ABRAXAS2: variants seen among roughly 807,000 people sequenced by gnomAD.
ABRAXAS2 encodes the protein BRISC complex subunit Abraxas 2.
A neutral mutation model predicts 49.0 loss-of-function variants in ABRAXAS2; 23 were observed. The observed-to-expected ratio is 0.47, with a 90% CI of 0.34 to 0.66. The LOEUF is 0.66. Among genes scored for constraint, ABRAXAS2 ranks in the 30% least tolerant of loss-of-function variants. The pLI, the probability that ABRAXAS2 is intolerant of heterozygous loss-of-function variation, is 0.01. For missense variants in ABRAXAS2, 443 were observed against 511.9 expected (o/e 0.87, Z 1.30); for synonymous variants, 168 against 180.2 (o/e 0.93, Z 0.54).
intron 5 of ABRAXAS2, among the ~76,000 whole-genome samples, chr10:124,828,111 G>C (rs1234401286): frequency 6.6e-6 from 1 of 152,190 alleles, no homozygotes; most frequent in Admixed American, 6.5e-5. Context: ...AGACCTTCCT[G>C]TTGGTTTACC....
At position 124,834,516 on chromosome 10, in the gene ABRAXAS2, G is replaced by A. The variant is rs1950955129; in HGVS notation, c.793G>A (p.Val265Met). ...TTTTCATCCAGGATTGCAGCAGGCA[G>A]TGTTAAGCAGACAGATGCCGTCTGA... ...KEQERRLQQA[V>M]LSRQMPSESL... The change falls in exon 9 of 9, where the codon GTG (valine) becomes ATG (methionine). Residue 265 changes from valine to methionine, a missense_variant. By Grantham distance (21) the Val-to-Met change is conservative (BLOSUM62 1). Transcript: ENST00000298492. The A allele has an allele frequency of 6.2e-7, 1 of 1,613,728 alleles. No homozygotes were observed. The highest frequency in any genetic ancestry group is 8.5e-7 in the Non-Finnish European group (1 of 1,179,740).
chr10:124,835,625 GTAAT>G lies in ABRAXAS2; in HGVS notation c.*655_*658del, dbSNP rs1380204961. ...AAGTAGAGATACTAATTACCAGTAA[GTAAT>G]CATCCAAATAAATACGTCATAAAAT... On this transcript the variant is annotated 3_prime_UTR_variant, in exon 9 of 9. Coordinates refer to ENST00000298492, the MANE Select transcript of ABRAXAS2 (RefSeq NM_032182.4). 6.6e-6 allele frequency: 1 copy of G among 152,034 alleles called. No individual in the cohort carries two copies. The highest frequency in any genetic ancestry group is 1.9e-4 in the East Asian group (1 of 5,184). 9.4% of individuals were successfully genotyped at this position (152,034 alleles called of 1,614,324 possible).
chr10:124,806,945 T>A, intron 2 of ABRAXAS2, 24 bp downstream of exon 2: 1 of 1,431,756 alleles, frequency 7.0e-7, no homozygotes, highest in Non-Finnish European at 9.8e-7. Context: ...TCAATGACCT[T>A]AGAAATATCT....
At chr10:124,807,127 A>G (rs1950750136) in intron 2 of ABRAXAS2, among the ~76,000 whole-genome samples, 1 of 151,762 alleles carries the variant, frequency 6.6e-6, no homozygotes, top group Non-Finnish European at 1.5e-5. Context: ...CCTGGCTAAC[A>G]CAGTGAAACC....
At chr10:124,819,297 T>A in intron 3 of ABRAXAS2, 87 bp from the exon 4 acceptor site, 6 of 1,023,872 alleles carry the variant, frequency 5.9e-6, no homozygotes, top group Non-Finnish European at 9.3e-6. Flanking sequence ...TAGGTCTTCA[T>A]TAGGGTTACC....
intron 4 of ABRAXAS2, among the ~76,000 whole-genome samples, chr10:124,822,717 G>A (rs946097989): frequency 6.6e-6 from 1 of 151,722 alleles, no homozygotes; most frequent in African/African-American, 2.4e-5. Context: ...GTTTGAACCC[G>A]GGAGGTGGAG....
intron 7 of ABRAXAS2, among the ~76,000 whole-genome samples, chr10:124,830,472 G>T (rs967634112): frequency 3.9e-5 from 6 of 152,014 alleles, no homozygotes; most frequent in African/African-American, 1.4e-4. Flanking sequence ...AAAGGATGAA[G>T]GCCTCAGTGA....
intron 2 of ABRAXAS2, among the ~76,000 whole-genome samples, chr10:124,810,416 A>G (rs1297545027): frequency 6.6e-6 from 1 of 152,010 alleles, no homozygotes; most frequent in Non-Finnish European, 1.5e-5. Flanking sequence ...AGTCCTAGCT[A>G]CTCAGAAAGC....
At chr10:124,803,443 G>T (rs1019374131) in intron 1 of ABRAXAS2, among the ~76,000 whole-genome samples, 10 of 152,302 alleles carry the variant, frequency 6.6e-5, no homozygotes, top group Non-Finnish European at 1.2e-4. Flanking sequence ...GTCCAGTCAA[G>T]AAATTAATTT....
In ABRAXAS2 at chr10:124,834,694, G is replaced by A. The variant is rs546644115; in HGVS notation, c.971G>A (p.Arg324His). The change falls in exon 9 of 9, where the codon CGC becomes CAC. Residue 324 changes from arginine to histidine, a missense_variant. Arg to His is a conservative substitution (Grantham distance 29). Coordinates refer to ENST00000298492, the MANE Select transcript of ABRAXAS2 (RefSeq NM_032182.4). The part of the protein sequence containing the change: ...NNQESTLSHS[R>H]MERSVFMPRP... The stretch of plus-strand genomic sequence containing the variant: ...CAAGAAAGTACTTTGAGCCACTCTC[G>A]CATGGAAAGGAGTGTCTTTATGCCT... 173 of 1,614,078 alleles carry A rather than the reference G, an allele frequency of 1.1e-4. 2 individuals are homozygous for A. The South Asian group carries it at 1.4e-3, about 13-fold the overall frequency.
At chr10:124,802,772 TA>T (rs1950714799) in intron 1 of ABRAXAS2, among the ~76,000 whole-genome samples, 1 of 152,242 alleles carries the variant, frequency 6.6e-6, no homozygotes, top group South Asian at 2.1e-4. Flanking sequence ...TCAAACTCAT[TA>T]AACCTATGTG....
chr10:124,807,871 C>T (rs932698935), intron 2 of ABRAXAS2, among the ~76,000 whole-genome samples: 4 of 152,264 alleles, frequency 2.6e-5, no homozygotes, highest in African/African-American at 9.6e-5. Context: ...CATACTATAA[C>T]GAATTCATAT....
intron 2 of ABRAXAS2, among the ~76,000 whole-genome samples, chr10:124,815,490 G>A (rs1050388495): frequency 6.6e-6 from 1 of 151,998 alleles, no homozygotes; most frequent in Non-Finnish European, 1.5e-5. Flanking sequence ...CACTGCGCCC[G>A]GCCTGTGGTT....
chr10:124,833,901 T>C (rs1950950848), intron 8 of ABRAXAS2, among the ~76,000 whole-genome samples: 1 of 152,100 alleles, frequency 6.6e-6, no homozygotes, highest in South Asian at 2.1e-4. Flanking sequence ...GTTTTTAAAG[T>C]TTTAAGGTAT....
At chr10:124,827,631 T>C (rs1950905216) in intron 5 of ABRAXAS2, among the ~76,000 whole-genome samples, 2 of 152,128 alleles carry the variant, frequency 1.3e-5, no homozygotes, top group Non-Finnish European at 2.9e-5. Flanking sequence ...TATGTGGAAA[T>C]GTAGTTTTAT....
intron 6 of ABRAXAS2, among the ~76,000 whole-genome samples, chr10:124,829,157 C>T (rs1950915017): frequency 6.6e-6 from 1 of 152,124 alleles, no homozygotes; most frequent in African/African-American, 2.4e-5. Flanking sequence ...GTTCTAAAAG[C>T]TAAACATAGT....
intron 1 of ABRAXAS2, among the ~76,000 whole-genome samples, chr10:124,805,336 G>A (rs1325152578): frequency 7.3e-6 from 1 of 136,472 alleles, no homozygotes. Flanking sequence ...GCGAGACTCC[G>A]TCTCAAAAAA....
rs753333698 is a variant in ABRAXAS2 at position 124,828,758 on chromosome 10, A to G, written c.461A>G (p.Tyr154Cys). 4 of 1,613,242 alleles carry G rather than the reference A, an allele frequency of 2.5e-6. No individual in the cohort carries two copies. The South Asian group carries it at 4.4e-5, about 18-fold the overall frequency. ...EYVLFRPNRR[Y>C]NQRISLAIPN... ...ATCTCTCTGAATTTTTCCCATAGGT[A>G]TAATCAGAGGATATCACTCGCTATT... is the stretch of plus-strand genomic sequence containing the variant. The change falls in exon 6 of 9, where the codon TAT becomes TGT. Residue 154 changes from tyrosine (Y) to cysteine (C), a missense_variant and splice_region_variant. Physicochemically the swap from Tyr to Cys is radical, Grantham distance 194. Transcript: ENST00000298492.
chr10:124,817,247 G>T (rs889490990), intron 3 of ABRAXAS2, among the ~76,000 whole-genome samples: 3 of 152,130 alleles, frequency 2.0e-5, no homozygotes, highest in African/African-American at 7.2e-5. Context: ...GGGGACTACT[G>T]TATACACCAA....
Sources: allele counts gnomAD v4.1 joint callset (sites outside exome capture counted in the v4.1 genomes callset), GRCh38; gene constraint gnomAD v4.1.1; transcripts MANE v1.5; gene names NCBI Gene and HGNC (gene_info 2026-07-23, HGNC 2026-07-21).